FAT3: variants seen among roughly 807,000 people sequenced by gnomAD.
FAT3 encodes FAT atypical cadherin 3.
Under a neutral mutation model 310.2 loss-of-function variants are expected in FAT3, and 95 were observed. That is an observed-to-expected ratio of 0.31 (90% CI 0.26 to 0.36). The LOEUF (loss-of-function observed/expected upper bound fraction) is 0.36, where lower values mean the gene tolerates loss of function less well. FAT3 is among the 10% of genes least tolerant of loss of function. The pLI, the probability that FAT3 is intolerant of heterozygous loss-of-function variation, is 1.00. For synonymous variants in FAT3, 2,314 were observed against 2,192.9 expected, an observed-to-expected ratio of 1.06 and a Z score of -1.54; for missense variants, 5,408 against 5,715.6, an observed-to-expected ratio of 0.95 and a Z score of 1.74.
intron 4 of FAT3, among the ~76,000 whole-genome samples, chr11:92,755,164 C>G (rs1945954110): frequency 1.3e-5 from 2 of 152,054 alleles, no homozygotes; most frequent in South Asian, 2.1e-4. Flanking sequence ...GGTGATTATA[C>G]TAATGGTAAT....
intron 3 of FAT3, among the ~76,000 whole-genome samples, chr11:92,530,842 C>A (rs1954041691): frequency 6.6e-6 from 1 of 151,628 alleles, no homozygotes; most frequent in Non-Finnish European, 1.5e-5. Context: ...GCTTAGAAAA[C>A]CACCTTTTCT....
rs1014517610 is a variant in FAT3, at chr11:92,572,571, T to G, written c.3607+47623T>G. On this transcript the variant is annotated intron_variant, in intron 3 of 27. Transcript: ENST00000525166. ...TGATAGAGTGAAATGGAAGATCGCA[T>G]GTAGCAATGCATTATTATAATCACT... Among the ~76,000 whole-genome samples, 6 of 152,186 alleles carry G rather than the reference T, an allele frequency of 3.9e-5. No individual in the cohort carries two copies. In the South Asian group the frequency reaches 1.0e-3, roughly 26 times the overall value.
chr11:92,505,266 G>A (rs900523649), intron 2 of FAT3, among the ~76,000 whole-genome samples: 11 of 152,138 alleles, frequency 7.2e-5, no homozygotes, highest in African/African-American at 1.2e-4. Flanking sequence ...TTCTGATTAA[G>A]GGCTCTTGAA....
At chr11:92,449,017 G>A (rs997871777) in intron 2 of FAT3, among the ~76,000 whole-genome samples, 2 of 152,060 alleles carry the variant, frequency 1.3e-5, no homozygotes, top group African/African-American at 4.8e-5. Flanking sequence ...TTGTGTTGCC[G>A]ATTCAGCCAA....
intron 27 of FAT3, among the ~76,000 whole-genome samples, chr11:92,890,168 C>G (rs561508738): frequency 5.9e-5 from 9 of 152,334 alleles, no homozygotes; most frequent in Admixed American, 1.3e-4. Flanking sequence ...CAGTCTGGCT[C>G]TGCAATAGCA....
At chr11:92,809,570 AAAAG>A (rs1947608896) in intron 12 of FAT3, among the ~76,000 whole-genome samples, 1 of 152,214 alleles carries the variant, frequency 6.6e-6, no homozygotes. Context: ...CCGTGTAGCC[AAAAG>A]AAAGAGCCCC....
rs1017649262 is a variant in FAT3 at position 92,836,425 on chromosome 11, G to T, written c.10087-141G>T. ...TGATTAATCATCTCTTCTGCTGGGG[G>T]CGTGGTCACTAACATTAGAGAGCAG... On this transcript the variant is annotated intron_variant, in intron 15 of 27. Coordinates refer to ENST00000525166, the MANE Select transcript of FAT3 (RefSeq NM_001367949.2). 20 of 814,742 alleles carry T rather than the reference G, an allele frequency of 2.5e-5. No individual in the cohort carries two copies. The African/African-American group carries it at 3.2e-4, about 13-fold the overall frequency. 50.5% of individuals were successfully genotyped at this position (814,742 alleles called of 1,614,324 possible). A position where few individuals can be genotyped will look rare whatever the true frequency, so the allele number is the denominator to read the frequency against.
intron 14 of FAT3, among the ~76,000 whole-genome samples, chr11:92,833,864 A>C (rs1439962928): frequency 6.6e-6 from 1 of 152,232 alleles, no homozygotes. Context: ...ACTGGGATGC[A>C]AAATAAGCAC....
intron 2 of FAT3, chr11:92,367,118 G>T (rs1376438591): frequency 3.0e-5 from 13 of 434,676 alleles, no homozygotes; most frequent in South Asian, 1.9e-5. Flanking sequence ...GCGTCTCCCA[G>T]TGCCTGCCTG....
chr11:92,480,498 A>G (rs377638276), intron 2 of FAT3, among the ~76,000 whole-genome samples: 2 of 152,282 alleles, frequency 1.3e-5, no homozygotes, highest in East Asian at 3.9e-4. Context: ...TCTGGAATGC[A>G]ACTCATAGGG....
At chr11:92,363,966 GTCT>G (rs1948948647) in intron 2 of FAT3, among the ~76,000 whole-genome samples, 4 of 152,202 alleles carry the variant, frequency 2.6e-5, no homozygotes, top group African/African-American at 9.6e-5. Context: ...TTCAGCAGGT[GTCT>G]TCTTCTTGAC....
At position 92,883,002 on chromosome 11, in the gene FAT3, GAACTACTCCCGCAAC is replaced by G; in HGVS notation, c.12550_12564del (p.Tyr4184_Asn4188del). 1.9e-6 allele frequency: 3 copies of G among 1,613,944 alleles called. No homozygotes were observed. The highest frequency in any genetic ancestry group is 2.5e-6 in the Non-Finnish European group (3 of 1,179,914). On this transcript the variant is annotated inframe_deletion, in exon 24 of 28. Coordinates refer to ENST00000525166, the MANE Select transcript of FAT3 (RefSeq NM_001367949.2). This position sits in a 1 kb window ranked among gnomAD's most constrained non-coding sequence, Gnocchi z 4.2. ...TCTTCCGCAAGAAGGTCTTCCGCAA[GAACTACTCCCGCAAC>G]AACATCACGCTAGTGCAGGACCCGG...
intron 1 of FAT3, among the ~76,000 whole-genome samples, chr11:92,318,086 T>C (rs1478198210): frequency 1.3e-5 from 2 of 152,182 alleles, no homozygotes; most frequent in East Asian, 3.9e-4. Flanking sequence ...GTAAAGTACT[T>C]TGCAGACTCC....
chr11:92,649,868 T>A, intron 3 of FAT3, among the ~76,000 whole-genome samples: 1 of 125,266 alleles, frequency 8.0e-6, no homozygotes, highest in Admixed American at 8.9e-5. Flanking sequence ...ACCCACTTTG[T>A]ATGTTCATAT....
At chr11:92,661,188 G>A (rs763955219) in intron 3 of FAT3, among the ~76,000 whole-genome samples, 1 of 152,194 alleles carries the variant, frequency 6.6e-6, no homozygotes, top group Non-Finnish European at 1.5e-5. Context: ...CAGAAGAAGG[G>A]TGGCTTTCCA....
rs566975620 is a variant in FAT3 at position 92,859,268 on chromosome 11, G to A, written c.11604G>A (p.Leu3868=). 3.1e-6 allele frequency: 5 copies of A among 1,613,430 alleles called. No individual in the cohort carries two copies. In the African/African-American group the frequency reaches 6.7e-5, roughly 21 times the overall value. The change falls in exon 21 of 28, where the codon CTG becomes CTA. Residue 3868 remains leucine, a synonymous_variant. Coordinates refer to ENST00000525166, the MANE Select transcript of FAT3 (RefSeq NM_001367949.2). ...DFKLALRLRT[L]QSNGIIMYTR... is the part of the protein sequence containing the mutation. ...AACTAGCTCTGCGTCTTCGAACACT[G>A]CAAAGCAATGGGATTATAATGTACA...
At chr11:92,874,172 G>T (rs2136375469) in intron 22 of FAT3, among the ~76,000 whole-genome samples, 1 of 152,282 alleles carries the variant, frequency 6.6e-6, no homozygotes, top group South Asian at 2.1e-4. Flanking sequence ...ATCAACCATT[G>T]ATATTTTTCT....
intron 12 of FAT3, among the ~76,000 whole-genome samples, chr11:92,807,227 A>G (rs181793558): frequency 4.3e-4 from 65 of 152,244 alleles, no homozygotes; most frequent in African/African-American, 1.6e-3. Flanking sequence ...GAGATGAGGG[A>G]AATAAGAGAA....
chr11:92,894,858 G>A lies in FAT3; in HGVS notation c.*3745G>A, dbSNP rs1302111746. The stretch of plus-strand genomic sequence containing the variant: ...TGGGATTTGCCTGGAACTTCCCTTG[G>A]ACATTACTAGCACATTCTGGAAAAA... On this transcript the variant is annotated 3_prime_UTR_variant, in exon 28 of 28. Transcript: ENST00000525166. The A allele has an allele frequency of 5.3e-5, 8 of 152,076 alleles. No homozygotes were observed. The highest frequency in any genetic ancestry group is 1.9e-4 in the African/African-American group (8 of 41,418). The allele number at this position is 152,076 out of a possible 1,614,324, so 9.4% of individuals were successfully genotyped here.
Sources: gnomAD v4.1 joint callset for allele counts (sites outside exome capture counted in the v4.1 genomes callset) on GRCh38, gnomAD v4.1.1 for gene constraint, Gnocchi (gnomAD v3.1) non-coding constraint, MANE v1.5 for transcripts, NCBI Gene and HGNC (gene_info 2026-07-23, HGNC 2026-07-21) for gene names.